CANX: variants seen among roughly 807,000 people sequenced by gnomAD.
CANX encodes epididymis secretory sperm binding protein.
CANX carries 14 observed loss-of-function variants against 75.7 expected under a neutral mutation model. That is an observed-to-expected ratio of 0.19 (90% confidence interval 0.12 to 0.29). The LOEUF (loss-of-function observed/expected upper bound fraction) is 0.29, where lower values mean the gene tolerates loss of function less well. CANX is among the 10% of genes least tolerant of loss of function. The pLI, the probability that CANX is intolerant of heterozygous loss-of-function variation, is 1.00. For synonymous variants in CANX, 227 were observed against 236.9 expected, an observed-to-expected ratio of 0.96 and a Z score of 0.38; for missense variants, 567 against 713.2, an observed-to-expected ratio of 0.79 and a Z score of 2.34.
chr5:179,702,921 C>T (rs1776866109), intron 1 of CANX, among the ~76,000 whole-genome samples: 1 of 152,110 alleles, frequency 6.6e-6, no homozygotes, highest in Non-Finnish European at 1.5e-5. Flanking sequence ...AGGCATCTGC[C>T]ACCACACCCA....
At chr5:179,686,259 A>G (rs1230181679) in intron 1 of CANX, among the ~76,000 whole-genome samples, 1 of 150,768 alleles carries the variant, frequency 6.6e-6, no homozygotes, top group African/African-American at 2.4e-5. Flanking sequence ...CACCACACCC[A>G]GCCAATTTCT....
chr5:179,701,380 A>G (rs1776745096), intron 1 of CANX, among the ~76,000 whole-genome samples: 1 of 151,930 alleles, frequency 6.6e-6, no homozygotes, highest in Non-Finnish European at 1.5e-5. Context: ...GGATTACTTG[A>G]GGCCAGGAGT....
At chr5:179,724,134 T>A (rs1778489348) in intron 12 of CANX, among the ~76,000 whole-genome samples, 1 of 152,222 alleles carries the variant, frequency 6.6e-6, no homozygotes, top group Admixed American at 6.5e-5. Flanking sequence ...TCTTTGTAAT[T>A]CAGTCTTTGA....
chr5:179,684,926 A>ATTTTTT lies in CANX; in HGVS notation c.-4+6174_-4+6179dup, dbSNP rs71001039. On this transcript the variant is annotated intron_variant, in intron 1 of 14. Coordinates refer to the CANX transcript ENST00000681674. ...TGCCACCACACCTGGCTAATTTTGT[A>ATTTTTT]TTTTTTTTTTTTTTTTTTTTTTTTT... is the stretch of plus-strand genomic sequence containing the variant. 3.2e-3 allele frequency among the ~76,000 whole-genome samples: 158 copies of ATTTTTT among 49,050 alleles called. 6 individuals carry two copies. Among genetic ancestry groups the ATTTTTT allele is most frequent in the African/African-American group, 9.4e-3 (104 of 11,044 alleles). 32.2% of individuals were successfully genotyped at this position (49,050 alleles called of 152,430 possible).
chr5:179,703,367 G>A (rs1472643109), intron 1 of CANX, among the ~76,000 whole-genome samples: 4 of 152,112 alleles, frequency 2.6e-5, no homozygotes, highest in South Asian at 4.1e-4. Flanking sequence ...ACAGGTGTGC[G>A]CCACCACACT....
intron 11 of CANX, 93 bp downstream of exon 11, chr5:179,723,112 C>T: frequency 9.5e-7 from 1 of 1,049,526 alleles, no homozygotes; most frequent in Non-Finnish European, 1.4e-6. Context: ...CTTCATTTGG[C>T]AATATTGGCA....
chr5:179,700,865 CTT>C (rs530362570), intron 1 of CANX: 32 of 138,386 alleles, frequency 2.3e-4, no homozygotes, highest in Middle Eastern at 3.8e-3. Context: ...GTGTGGTAAC[CTT>C]TTTTTTTTTT....
chr5:179,693,656 T>C (rs1048871555), upstream of CANX, among the ~76,000 whole-genome samples: 2 of 150,902 alleles, frequency 1.3e-5, no homozygotes, highest in Non-Finnish European at 3.0e-5. Context: ...TGGGCAACAG[T>C]GAGAATCTGT....
intron 1 of CANX, 101 bp downstream of exon 1, chr5:179,699,203 G>A: frequency 1.4e-6 from 1 of 718,434 alleles, no homozygotes; most frequent in Non-Finnish European, 1.7e-6. Context: ...GCGACTGAGG[G>A]GTCGGGCTGG....
intron 1 of CANX, among the ~76,000 whole-genome samples, chr5:179,689,080 C>T (rs1776247272): frequency 6.6e-6 from 1 of 152,164 alleles, no homozygotes; most frequent in South Asian, 2.1e-4. Context: ...GAAACCCCCT[C>T]CCTACTAAAA....
At chr5:179,681,666 G>A (rs1177286781) in intron 1 of CANX, among the ~76,000 whole-genome samples, 1 of 152,136 alleles carries the variant, frequency 6.6e-6, no homozygotes, top group Admixed American at 6.6e-5. Flanking sequence ...AGCACCTATG[G>A]GATGGGTGCA....
At chr5:179,698,469 GGGGCCCGCGTTCGCTGCAAC>G (rs761636599), upstream of CANX, 3 of 1,289,192 alleles carry the variant, frequency 2.3e-6, no homozygotes, top group Middle Eastern at 2.1e-4. Context: ...CACGCCCGTA[GGGGCCCGCGTTCGCTGCAAC>G]GGGCCCTTCC....
intron 7 of CANX, among the ~76,000 whole-genome samples, chr5:179,714,583 T>C: frequency 6.6e-6 from 1 of 151,816 alleles, no homozygotes; most frequent in Non-Finnish European, 1.5e-5. Context: ...AGTGGTGCGA[T>C]CTCCGCTCAG....
upstream of CANX, among the ~76,000 whole-genome samples, chr5:179,698,072 G>A (rs1776465837): frequency 6.6e-6 from 1 of 152,080 alleles, no homozygotes; most frequent in African/African-American, 2.4e-5. Context: ...AACAAATAGA[G>A]AACAAGAGAT....
In CANX at chr5:179,705,689, G is replaced by T. The variant is rs776034798; in HGVS notation, c.8G>T (p.Gly3Val). Residue 3 changes from glycine (G) to valine (V), a missense_variant, in exon 2 of 15, where the codon GGG becomes GTG. Physicochemically the swap from Gly to Val is moderately radical, Grantham distance 109. Coordinates refer to ENST00000247461, the MANE Select transcript of CANX (RefSeq NM_001746.4). ...GCTCTTTATGTGTAGATCATGGAAG[G>T]GAAGTGGTTGCTGTGTATGTTACTG... ME[G>V]KWLLCMLLVL... The T allele has an allele frequency of 3.0e-5, 45 of 1,499,164 alleles. No individual in the cohort carries two copies. Among genetic ancestry groups the T allele is most frequent in the Non-Finnish European group, 3.9e-5 (44 of 1,118,198 alleles). The allele number at this position is 1,499,164 out of a possible 1,614,324, so 92.9% of individuals were successfully genotyped here. A position where few individuals can be genotyped will look rare whatever the true frequency, so the allele number is the denominator to read the frequency against.
chr5:179,697,753 T>TGGTGGCGGGCGC (rs1776446688), upstream of CANX, among the ~76,000 whole-genome samples: 1 of 151,920 alleles, frequency 6.6e-6, no homozygotes, highest in African/African-American at 2.4e-5. Context: ...TAGCCGGGCG[T>TGGTGGCGGGCGC]GGTGGCGGGC....
rs757851443 is a variant in CANX at position 179,724,709 on chromosome 5, TGAAGGAAGAGGAAGAAGA to T, written c.1585_1602del (p.Glu529_Glu534del). On this transcript the variant is annotated inframe_deletion, in exon 13 of 15. Coordinates refer to ENST00000247461, the MANE Select transcript of CANX (RefSeq NM_001746.4). ...AAAACTGATGCACCTCAACCGGATG[TGAAGGAAGAGGAAGAAGA>T]GAAGGAAGAGGAAAAGGACAAGGGA... 55 of 1,612,244 alleles carry T rather than the reference TGAAGGAAGAGGAAGAAGA, an allele frequency of 3.4e-5. No individual in the cohort carries two copies. Among genetic ancestry groups the T allele is most frequent in the Non-Finnish European group, 4.2e-5 (49 of 1,178,774 alleles).
intron 1 of CANX, among the ~76,000 whole-genome samples, chr5:179,701,199 G>A (rs1487051277): frequency 7.2e-5 from 11 of 152,060 alleles, no homozygotes; most frequent in Non-Finnish European, 1.6e-4. Context: ...TTTGGTTTCC[G>A]TAACTTCAAA....
intron 1 of CANX, among the ~76,000 whole-genome samples, chr5:179,687,436 C>T (rs113194631): frequency 2.0e-5 from 3 of 152,168 alleles, no homozygotes; most frequent in African/African-American, 4.8e-5. Context: ...GTCTGTTTAT[C>T]GTTGCACCAA....
Sources: allele counts gnomAD v4.1 joint callset (sites outside exome capture counted in the v4.1 genomes callset), GRCh38; gene constraint gnomAD v4.1.1; transcripts MANE v1.5; gene names NCBI Gene and HGNC (gene_info 2026-07-23, HGNC 2026-07-21).